The following RP1 variants were observed in gnomAD, a reference collection of about 807,000 sequenced individuals.
RP1 encodes the protein RP1 axonemal microtubule associated.
Under a neutral mutation model 14.8 loss-of-function variants are expected in RP1, and 16 were observed. That is an observed-to-expected ratio of 1.08 (90% confidence interval 0.73 to 1.65). The LOEUF (loss-of-function observed/expected upper bound fraction) is 1.65. Ranked by LOEUF, RP1 falls within the 40% of genes most tolerant of loss-of-function variation. The probability of loss-of-function intolerance (pLI) is 0.00; values close to 1 mark genes in which losing one functional copy is unlikely to be tolerated. For missense variants in RP1, 2,631 were observed against 2,535.0 expected, an observed-to-expected ratio of 1.04 and a Z score of -0.81; for synonymous variants, 876 against 883.6, an observed-to-expected ratio of 0.99 and a Z score of 0.15.
chr8:54,599,230 T>C (rs541695201), intron 1 of RP1, among the ~76,000 whole-genome samples: 300 of 152,340 alleles, frequency 2.0e-3, no homozygotes, highest in African/African-American at 6.8e-3. Context: ...TCCATGATGC[T>C]GTTGAGCCCA....
At position 54,626,300 on chromosome 8, in the gene RP1, A is replaced by G. The variant is rs1371782051; in HGVS notation, c.2418A>G (p.Glu806=). 6.2e-7 allele frequency: 1 copy of G among 1,613,492 alleles called. No homozygotes were observed. Among genetic ancestry groups the G allele is most frequent in the Non-Finnish European group, 8.5e-7 (1 of 1,179,648 alleles). ...GQRDKVFPHN[E]SKYCKSTFEN... is the part of the protein sequence containing the mutation. Reference sequence around the variant, plus strand: ...GAGATAAAGTGTTTCCTCACAATGAATCTAAATATTGCAAAAGTACTTTTG... The same window carrying G: ...GAGATAAAGTGTTTCCTCACAATGAGTCTAAATATTGCAAAAGTACTTTTG... Residue 806 remains glutamate (E), a synonymous_variant, in exon 4 of 4, where the codon GAA becomes GAG. Transcript: ENST00000220676.
chr8:54,576,356 GACTCTTAAC>G (rs1440270858), intron 1 of RP1, among the ~76,000 whole-genome samples: 2 of 151,246 alleles, frequency 1.3e-5, no homozygotes, highest in African/African-American at 2.4e-5. Context: ...GAACATGTCA[GACTCTTAAC>G]ACTGATTAAT....
At chr8:54,707,268 C>T (rs769584028) in intron 15 of RP1, among the ~76,000 whole-genome samples, 7 of 152,074 alleles carry the variant, frequency 4.6e-5, no homozygotes, top group Admixed American at 2.0e-4. Flanking sequence ...TGACTACAGG[C>T]GCATGCCACC....
intron 13 of RP1, chr8:54,699,640 C>T (rs1807965214): frequency 1.4e-6 from 1 of 692,538 alleles, no homozygotes; most frequent in Admixed American, 4.0e-5. Flanking sequence ...GTATAAGATA[C>T]ATTTATAAGA....
At chr8:54,740,354 G>T (rs1809045718) in intron 19 of RP1, among the ~76,000 whole-genome samples, 1 of 144,182 alleles carries the variant, frequency 6.9e-6, no homozygotes, top group Non-Finnish European at 1.5e-5. Context: ...GCAGGCCTAG[G>T]CGAATGTGTA....
chr8:54,853,740 G>A (rs1269612717), intron 26 of RP1, among the ~76,000 whole-genome samples: 2 of 144,218 alleles, frequency 1.4e-5, no homozygotes, highest in African/African-American at 2.5e-5. Context: ...AAAAAAGAGA[G>A]AAAGAAAGAA....
chr8:54,669,861 A>G (rs1807109621), intron 7 of RP1, among the ~76,000 whole-genome samples: 1 of 145,478 alleles, frequency 6.9e-6, no homozygotes, highest in Non-Finnish European at 1.5e-5. Flanking sequence ...GGAACATCAC[A>G]CACAGGGGCC....
intron 7 of RP1, among the ~76,000 whole-genome samples, chr8:54,671,323 A>G (rs10104702): frequency 0.067 from 10,248 of 151,974 alleles, 1,097 homozygotes; most frequent in African/African-American, 0.23. Flanking sequence ...CTTTTGGTTT[A>G]TTTTAGTTTT....
intron 27 of RP1, among the ~76,000 whole-genome samples, chr8:54,862,677 T>G (rs1234464071): frequency 1.3e-5 from 2 of 152,110 alleles, no homozygotes; most frequent in African/African-American, 4.8e-5. Context: ...CTCTCCTCTG[T>G]GTGGTCAGAG....
intron 19 of RP1, among the ~76,000 whole-genome samples, chr8:54,751,103 G>A (rs557658749): frequency 7.2e-4 from 109 of 152,330 alleles, no homozygotes; most frequent in Non-Finnish European, 7.9e-4. Flanking sequence ...CATTCTTGAA[G>A]TCAGTGAGAC....
At chr8:54,750,767 C>T (rs1342641160) in intron 19 of RP1, among the ~76,000 whole-genome samples, 1 of 152,032 alleles carries the variant, frequency 6.6e-6, no homozygotes, top group Non-Finnish European at 1.5e-5. Flanking sequence ...GTAAAATGCA[C>T]CAATCAGTGC....
At chr8:54,810,757 G>A (rs980164054) in intron 24 of RP1, among the ~76,000 whole-genome samples, 2 of 152,150 alleles carry the variant, frequency 1.3e-5, no homozygotes, top group Non-Finnish European at 2.9e-5. Context: ...GGGAAGGCTC[G>A]GTCCAACATG....
intron 1 of RP1, among the ~76,000 whole-genome samples, chr8:54,606,411 T>C (rs9694448): frequency 6.6e-6 from 1 of 150,866 alleles, no homozygotes; most frequent in Non-Finnish European, 1.5e-5. Flanking sequence ...CCGAGAGATC[T>C]GCTGTTACTC....
intron 27 of RP1, among the ~76,000 whole-genome samples, chr8:54,865,197 T>G (rs1010647285): frequency 3.3e-5 from 5 of 152,112 alleles, no homozygotes; most frequent in African/African-American, 1.2e-4. Context: ...TAATTATATT[T>G]CTAACAATTT....
rs771471230 is a variant in RP1 at position 54,625,276 on chromosome 8, G to A, written c.1394G>A (p.Gly465Asp). The A allele has an allele frequency of 6.2e-7, 1 of 1,614,160 alleles. No homozygotes were observed. The highest frequency in any genetic ancestry group is 8.5e-7 in the Non-Finnish European group (1 of 1,180,032). Reference protein sequence around the residue: ...RRVRQKKSVIGSVTLVSETEV... With the variant: ...RRVRQKKSVIDSVTLVSETEV... The stretch of plus-strand genomic sequence containing the variant: ...GTGAGACAAAAGAAATCTGTGATTG[G>A]CAGTGTGACCTTAGTATCTGAAACT... The change falls in exon 4 of 4, where the codon GGC (glycine) becomes GAC (aspartate). Residue 465 changes from glycine to aspartate, a missense_variant. Gly to Asp is a moderately conservative substitution (Grantham distance 94). Transcript: ENST00000220676.
At chr8:54,864,681 T>A (rs1467849960) in intron 27 of RP1, among the ~76,000 whole-genome samples, 1 of 152,160 alleles carries the variant, frequency 6.6e-6, no homozygotes, top group East Asian at 1.9e-4. Flanking sequence ...AGGGGAAAGG[T>A]TAATTCTGAA....
intron 24 of RP1, among the ~76,000 whole-genome samples, chr8:54,784,276 AAATT>A (rs1196243934): frequency 2.0e-5 from 3 of 152,292 alleles, no homozygotes; most frequent in Non-Finnish European, 2.9e-5. Flanking sequence ...AATGAGGATT[AAATT>A]AATTAATCCT....
chr8:54,789,716 G>A (rs1379492197), intron 24 of RP1, among the ~76,000 whole-genome samples: 4 of 152,116 alleles, frequency 2.6e-5, no homozygotes, highest in Non-Finnish European at 4.4e-5. Flanking sequence ...CCACCTAATC[G>A]TGGAGTGCAG....
chr8:54,781,473 G>A (rs867504215), intron 23 of RP1, among the ~76,000 whole-genome samples: 3 of 151,934 alleles, frequency 2.0e-5, no homozygotes, highest in Non-Finnish European at 2.9e-5. Flanking sequence ...TTTTTTTGGC[G>A]AAAAAAGTTT....
Sources: allele counts gnomAD v4.1 joint callset (sites outside exome capture counted in the v4.1 genomes callset), GRCh38; gene constraint gnomAD v4.1.1; transcripts MANE v1.5; gene names NCBI Gene and HGNC (gene_info 2026-07-23, HGNC 2026-07-21).